Variants in NVL observed in about 807,000 individuals in gnomAD.
The protein encoded by NVL is nuclear valosin-containing protein-like.
Under a neutral mutation model 110.2 loss-of-function variants are expected in NVL, and 84 were observed. That is an observed-to-expected ratio of 0.76 (90% CI 0.64 to 0.91). The LOEUF (loss-of-function observed/expected upper bound fraction) is 0.91. NVL is among the 40% of genes least tolerant of loss of function. The probability of loss-of-function intolerance (pLI) is 0.00; values close to 1 mark genes in which losing one functional copy is unlikely to be tolerated. For synonymous variants in NVL, 354 were observed against 361.1 expected, an observed-to-expected ratio of 0.98 and a Z score of 0.22; for missense variants, 882 against 1,035.9, an observed-to-expected ratio of 0.85 and a Z score of 2.04.
Position 224,236,530 on chromosome 1 carries a change from C to A in NVL, c.2342G>T (p.Gly781Val). The change falls in exon 20 of 23, where the codon GGT becomes GTT. Residue 781 changes from glycine to valine, a missense_variant. Around this residue, in one of 4 missense-constraint regions of NVL, gnomAD observed 126 missense variants for 140.7 expected, o/e 0.90. Coordinates refer to ENST00000281701, the MANE Select transcript of NVL (RefSeq NM_002533.4). ...DADVNLEAIA[G>V]DLRCDCYTGA... ...CGTATAGCAATCACAGCGAAGGTCA[C>A]CAGCAATTGCTTCCAAATTTACATC... The A allele has an allele frequency of 6.2e-7, 1 of 1,613,906 alleles. No homozygotes were observed.
intron 16 of NVL, among the ~76,000 whole-genome samples, chr1:224,276,236 A>G (rs544510100): frequency 6.6e-6 from 1 of 152,114 alleles, no homozygotes; most frequent in East Asian, 1.9e-4. Context: ...AGTGCCAATT[A>G]TTATTATTAT....
intron 4 of NVL, among the ~76,000 whole-genome samples, chr1:224,313,622 T>C (rs1465644205): frequency 6.6e-6 from 1 of 151,966 alleles, no homozygotes; most frequent in Non-Finnish European, 1.5e-5. Flanking sequence ...TCAAATGAAA[T>C]AGAAAAAACT....
intron 19 of NVL, among the ~76,000 whole-genome samples, chr1:224,237,878 C>A (rs140823848): frequency 6.7e-6 from 1 of 149,110 alleles, no homozygotes; most frequent in Non-Finnish European, 1.5e-5. Flanking sequence ...CACTGGAACC[C>A]GGGAGGTGGA....
Position 224,300,594 on chromosome 1 carries a change from G to A in NVL, c.1030C>T (p.Gln344Ter). 3 of 1,613,898 alleles carry A rather than the reference G, an allele frequency of 1.9e-6. No homozygotes were observed. Among genetic ancestry groups the A allele is most frequent in the Non-Finnish European group, 2.5e-6 (3 of 1,179,916 alleles). Reference protein sequence around the residue: ...IVSGVSGESEQKLRELFEQAV... With the variant: ...IVSGVSGESE ...TGCTCAAATAGTTCTCTCAGCTTCT[G>A]CTCAGACTCTCCGGATACTCCAGAC... Residue 344 changes from glutamine to a stop codon, truncating the protein, a stop_gained, in exon 10 of 23, where the codon CAG becomes TAG. Transcript: ENST00000281701. LOFTEE classifies it high-confidence loss of function.
At chr1:224,256,121 T>A (rs1383504552) in intron 18 of NVL, among the ~76,000 whole-genome samples, 1 of 152,164 alleles carries the variant, frequency 6.6e-6, no homozygotes, top group African/African-American at 2.4e-5. Context: ...GAAACATCTT[T>A]TAATTTAAAC....
At chr1:224,254,714 C>A (rs1386538750) in intron 18 of NVL, among the ~76,000 whole-genome samples, 1 of 151,702 alleles carries the variant, frequency 6.6e-6, no homozygotes, top group Admixed American at 6.6e-5. Context: ...TGTGCCTGGC[C>A]AACATGTGTT....
chr1:224,266,618 C>T (rs1232127297), intron 18 of NVL, among the ~76,000 whole-genome samples: 12 of 152,254 alleles, frequency 7.9e-5, no homozygotes, highest in African/African-American at 2.6e-4. Context: ...TATTCTGTTA[C>T]AGCAAAACAA....
Position 224,294,240 on chromosome 1 carries a change from T to C in NVL, c.1325+27A>G, listed in dbSNP as rs371277410. On this transcript the variant is annotated intron_variant, in intron 12 of 22. Coordinates refer to ENST00000281701, the MANE Select transcript of NVL (RefSeq NM_002533.4). ...ATTCAGTTAAGATGACTTAGTGGCATACAAACTTCATTCTATAAGAATATA... is the reference window on the plus strand; with the variant it reads ...ATTCAGTTAAGATGACTTAGTGGCACACAAACTTCATTCTATAAGAATATA... The C allele has an allele frequency of 2.8e-4, 445 of 1,613,232 alleles. 4 individuals are homozygous for C. Among genetic ancestry groups the C allele is most frequent in the South Asian group, 2.4e-3 (221 of 91,058 alleles).
In NVL at chr1:224,318,539, C is replaced by T. The variant is rs1211696411; in HGVS notation, c.132-609G>A. Among the ~76,000 whole-genome samples the T allele has an allele frequency of 2.6e-5, 4 of 151,106 alleles. No homozygotes were observed. In the East Asian group the frequency reaches 7.8e-4, roughly 29 times the overall value. ...ACAGCTTGAGTCTGGGAGGTGAAGG[C>T]TGCAGTGAGCCGTGATTGCGCCAAT... On this transcript the variant is annotated intron_variant, in intron 2 of 22. Transcript: ENST00000281701.
At chr1:224,260,699 CTTTTT>C (rs940200696) in intron 18 of NVL, among the ~76,000 whole-genome samples, 1 of 126,330 alleles carries the variant, frequency 7.9e-6, no homozygotes, top group Non-Finnish European at 1.6e-5. Context: ...TCTTCTTTTC[CTTTTT>C]TTTTTTTTTT....
intron 14 of NVL, 115 bp from the exon 15 acceptor site, chr1:224,286,245 C>T (rs1304537171): frequency 1.3e-6 from 1 of 749,228 alleles, no homozygotes; most frequent in Non-Finnish European, 2.2e-6. Context: ...CTCCCTCTGT[C>T]ACCCAGCTAG....
chr1:224,272,520 C>T (rs1558286097), intron 17 of NVL, among the ~76,000 whole-genome samples: 1 of 151,056 alleles, frequency 6.6e-6, no homozygotes, highest in African/African-American at 2.4e-5. Context: ...GAGTTCAAGA[C>T]CAGCCTGGCC....
chr1:224,302,532 G>A (rs1193027296), intron 9 of NVL, among the ~76,000 whole-genome samples: 1 of 152,054 alleles, frequency 6.6e-6, no homozygotes, highest in Non-Finnish European at 1.5e-5. Context: ...AAGTTACTCG[G>A]ATATTTTACA....
intron 2 of NVL, among the ~76,000 whole-genome samples, chr1:224,320,682 TCTCA>T (rs1219079043): frequency 6.6e-6 from 1 of 151,550 alleles, no homozygotes; most frequent in Non-Finnish European, 1.5e-5. Context: ...TGAGACAGGG[TCTCA>T]CTCAGTCAGG....
rs1384398883 is a variant in NVL at position 224,303,689 on chromosome 1, A to G, written c.960+34T>C. 6 of 1,590,712 alleles carry G rather than the reference A, an allele frequency of 3.8e-6. No homozygotes were observed. In the East Asian group the frequency reaches 1.3e-4, roughly 36 times the overall value. On this transcript the variant is annotated intron_variant, in intron 9 of 22. Coordinates refer to ENST00000281701, the MANE Select transcript of NVL (RefSeq NM_002533.4). ...ACAAAAACAAATAATAACAACAAAA[A>G]CAGCAAAAGCAAACAAATGTCAGCA...
rs1194159692 is a variant in NVL at position 224,232,244 on chromosome 1, T to C, written c.2456-948A>G. ...GGCCGGCGCCTGTAATCCTAGCTAC[T>C]TGGGAGGCTGAGGCAGGAGAATGGC... On this transcript the variant is annotated intron_variant, in intron 21 of 22. Coordinates refer to ENST00000281701, the MANE Select transcript of NVL (RefSeq NM_002533.4). The C allele has an allele frequency of 3.3e-5, 5 of 149,302 alleles. No individual in the cohort carries two copies. In the East Asian group the frequency reaches 9.9e-4, roughly 30 times the overall value. The allele number at this position is 149,302 out of a possible 1,614,324, so 9.2% of individuals were successfully genotyped here.
At chr1:224,242,823 CT>C (rs1319604139) in intron 19 of NVL, among the ~76,000 whole-genome samples, 2 of 138,922 alleles carry the variant, frequency 1.4e-5, no homozygotes, top group African/African-American at 5.3e-5. Flanking sequence ...ATCATTAATG[CT>C]TGTTTTTTTT....
At chr1:224,293,070 A>ATTT (rs1157220455) in intron 12 of NVL, among the ~76,000 whole-genome samples, 4 of 125,142 alleles carry the variant, frequency 3.2e-5, no homozygotes, top group Admixed American at 8.3e-5. Flanking sequence ...TTTCAGAACA[A>ATTT]TTTTTTTTTT....
intron 9 of NVL, chr1:224,301,702 A>G: frequency 2.9e-6 from 1 of 346,082 alleles, no homozygotes; most frequent in South Asian, 2.0e-5. Flanking sequence ...TGTGAGGCTG[A>G]GGCAGGAGGA....
Sources: allele counts gnomAD v4.1 joint callset (sites outside exome capture counted in the v4.1 genomes callset), GRCh38; gene constraint gnomAD v4.1.1; regional missense constraint gnomAD v4.1.1; transcripts MANE v1.5; gene names NCBI Gene and HGNC (gene_info 2026-07-23, HGNC 2026-07-21).